The following CFAP299 variants were observed in gnomAD, a reference collection of about 807,000 sequenced individuals.
CFAP299 encodes the protein cilia and flagella associated protein 299.
A neutral mutation model predicts 27.0 loss-of-function variants in CFAP299; 21 were observed. The observed-to-expected ratio is 0.78, with a 90% confidence interval of 0.55 to 1.12. The LOEUF (loss-of-function observed/expected upper bound fraction) is 1.12. CFAP299 is among the 50% of genes most tolerant of loss of function. The pLI is 0.00. For synonymous variants in CFAP299, 104 were observed against 98.1 expected (o/e 1.06, Z -0.36); for missense variants, 310 against 276.6 (o/e 1.12, Z -0.86).
intron 4 of CFAP299, among the ~76,000 whole-genome samples, chr4:80,937,997 A>G (rs776307592): frequency 3.3e-5 from 5 of 152,158 alleles, no homozygotes; most frequent in Non-Finnish European, 5.9e-5. Context: ...CTTTGATCAC[A>G]AACAAATTCT....
chr4:80,538,446 AT>A (rs1292008403), intron 2 of CFAP299, among the ~76,000 whole-genome samples: 2 of 151,986 alleles, frequency 1.3e-5, no homozygotes, highest in Non-Finnish European at 2.9e-5. Flanking sequence ...TTATACAAGA[AT>A]ATTTCTAGGC....
chr4:80,669,992 A>AT (rs1223320951), intron 3 of CFAP299, among the ~76,000 whole-genome samples: 2 of 148,494 alleles, frequency 1.3e-5, no homozygotes, highest in East Asian at 3.9e-4. Flanking sequence ...ATTTTTTTTC[A>AT]TTTTTTAAAA....
chr4:80,543,468 T>C lies in CFAP299; in HGVS notation c.243-39625T>C, dbSNP rs560206724. 3.9e-5 allele frequency among the ~76,000 whole-genome samples: 6 copies of C among 152,242 alleles called. No homozygotes were observed. The East Asian group carries it at 1.2e-3, about 29-fold the overall frequency. ...ATCCAGGGAAAGCAGTAAAATAACC[T>C]AAAAGTCAAAAGATGACATAACCAT... On this transcript the variant is annotated intron_variant, in intron 2 of 5. Transcript: ENST00000358105.
At chr4:80,443,683 C>A (rs1468430320) in intron 2 of CFAP299, among the ~76,000 whole-genome samples, 2 of 152,110 alleles carry the variant, frequency 1.3e-5, no homozygotes, top group Non-Finnish European at 2.9e-5. Context: ...CTGGCCAGGG[C>A]AGTCAGGCAA....
At chr4:80,737,506 A>G (rs1304137484) in intron 3 of CFAP299, among the ~76,000 whole-genome samples, 1 of 151,996 alleles carries the variant, frequency 6.6e-6, no homozygotes, top group Non-Finnish European at 1.5e-5. Context: ...TTCATGGTTC[A>G]TTCTTTGTAG....
intron 2 of CFAP299, among the ~76,000 whole-genome samples, chr4:80,525,348 C>T (rs778479957): frequency 1.6e-4 from 25 of 152,066 alleles, no homozygotes; most frequent in Non-Finnish European, 3.2e-4. Context: ...TGAATTTCAT[C>T]TTATCATATT....
chr4:80,945,948 G>A (rs1035106391), intron 5 of CFAP299, among the ~76,000 whole-genome samples: 1 of 151,978 alleles, frequency 6.6e-6, no homozygotes, highest in African/African-American at 2.4e-5. Flanking sequence ...GAGGTCAGGA[G>A]TTTGAGACCA....
intron 4 of CFAP299, among the ~76,000 whole-genome samples, chr4:80,901,146 G>T (rs1734870657): frequency 6.6e-6 from 1 of 152,106 alleles, no homozygotes; most frequent in Non-Finnish European, 1.5e-5. Flanking sequence ...CTCCCTAAGT[G>T]CATGAAGCAA....
intron 1 of CFAP299, among the ~76,000 whole-genome samples, chr4:80,343,799 T>TAAAAAAA (rs35187249): frequency 2.7e-5 from 2 of 75,350 alleles, no homozygotes; most frequent in African/African-American, 6.0e-5. Flanking sequence ...AGACTCCGTC[T>TAAAAAAA]AAAAAAAAAA....
chr4:80,783,296 A>G (rs1385836771), intron 3 of CFAP299, among the ~76,000 whole-genome samples: 1 of 152,152 alleles, frequency 6.6e-6, no homozygotes, highest in East Asian at 1.9e-4. Flanking sequence ...TACTCAAGTC[A>G]GTCTATTCAG....
intron 4 of CFAP299, among the ~76,000 whole-genome samples, chr4:80,890,837 T>C (rs1388109106): frequency 2.1e-5 from 3 of 144,614 alleles, no homozygotes; most frequent in East Asian, 4.1e-4. Flanking sequence ...CTTCATGTGT[T>C]TTTTGGCTGC....
chr4:80,352,315 C>T (rs1723056799), intron 1 of CFAP299, among the ~76,000 whole-genome samples: 1 of 152,178 alleles, frequency 6.6e-6, no homozygotes, highest in South Asian at 2.1e-4. Flanking sequence ...CACCTGTAAT[C>T]CCAGCACTTT....
chr4:80,350,633 G>A (rs1343608533), intron 1 of CFAP299, among the ~76,000 whole-genome samples: 1 of 152,196 alleles, frequency 6.6e-6, no homozygotes, highest in East Asian at 1.9e-4. Flanking sequence ...GTCCTTTGCA[G>A]GGACATGGAT....
At chr4:80,486,939 C>A in intron 2 of CFAP299, among the ~76,000 whole-genome samples, 1 of 152,186 alleles carries the variant, frequency 6.6e-6, no homozygotes, top group East Asian at 1.9e-4. Flanking sequence ...GTCAGTAATG[C>A]ACAGTAGTGT....
chr4:80,439,836 G>A (rs1728266387), intron 2 of CFAP299, among the ~76,000 whole-genome samples: 1 of 152,190 alleles, frequency 6.6e-6, no homozygotes, highest in Non-Finnish European at 1.5e-5. Flanking sequence ...GCAGTCTGAA[G>A]TCGACCTGCG....
At chr4:80,902,428 ATATG>A (rs2110196434) in intron 4 of CFAP299, among the ~76,000 whole-genome samples, 1 of 115,814 alleles carries the variant, frequency 8.6e-6, no homozygotes, top group African/African-American at 5.2e-5. Context: ...ATATGTTTAT[ATATG>A]TAAGTATATA....
At chr4:80,355,354 CT>C (rs70944772) in intron 1 of CFAP299, among the ~76,000 whole-genome samples, 6,021 of 95,212 alleles carry the variant, frequency 0.063, 131 homozygotes, top group African/African-American at 0.2. Flanking sequence ...ATGTCCTTTG[CT>C]TTTTTTTTTT....
chr4:80,327,434 T>C, the CFAP299 span, among the ~76,000 whole-genome samples: 50 of 151,884 alleles, frequency 3.3e-4, no homozygotes, highest in African/African-American at 1.2e-3. Flanking sequence ...TGGATTTTAT[T>C]CTAACTGCAG....
intron 4 of CFAP299, among the ~76,000 whole-genome samples, chr4:80,886,889 G>A (rs1246211745): frequency 6.6e-6 from 1 of 151,956 alleles, no homozygotes; most frequent in Non-Finnish European, 1.5e-5. Context: ...TGAAATAATT[G>A]CAAAGAATCA....
Sources: allele counts gnomAD v4.1 joint callset (sites outside exome capture counted in the v4.1 genomes callset), GRCh38; gene constraint gnomAD v4.1.1; transcripts MANE v1.5; gene names NCBI Gene and HGNC (gene_info 2026-07-23, HGNC 2026-07-21).